CAST: variants seen among roughly 807,000 people sequenced by gnomAD.
CAST encodes the protein calpastatin, also known as MIR583 host.
A neutral mutation model predicts 119.6 loss-of-function variants in CAST; 76 were observed. The ratio of observed to expected loss-of-function variants is 0.64; its 90% CI spans 0.53 to 0.77. The LOEUF (loss-of-function observed/expected upper bound fraction) is 0.77, where lower values mean the gene tolerates loss of function less well. Among genes scored for constraint, CAST ranks in the 30% least tolerant of loss-of-function variants. The probability of loss-of-function intolerance (pLI) is 0.00; values close to 1 mark genes in which losing one functional copy is unlikely to be tolerated. For synonymous variants in CAST, 319 were observed against 331.6 expected (o/e 0.96, Z 0.41); for missense variants, 953 against 946.5 (o/e 1.01, Z -0.09).
chr5:96,139,281 T>G, the CAST span, among the ~76,000 whole-genome samples: 1 of 151,938 alleles, frequency 6.6e-6, no homozygotes, highest in Non-Finnish European at 1.5e-5. Context: ...CTTTTATCAC[T>G]ACCTCTTGCA....
the CAST span, among the ~76,000 whole-genome samples, chr5:95,967,494 C>T: frequency 1.3e-5 from 2 of 152,028 alleles, no homozygotes. Flanking sequence ...CAAATCTCAT[C>T]CTGAATTGTA....
chr5:96,321,360 A>C, the CAST span, among the ~76,000 whole-genome samples: 1 of 152,200 alleles, frequency 6.6e-6, no homozygotes, highest in Admixed American at 6.5e-5. Flanking sequence ...AGGCAGTGAG[A>C]ATGGCTTCTG....
the CAST span, among the ~76,000 whole-genome samples, chr5:96,141,254 TTAAAA>T: frequency 3.3e-5 from 5 of 152,214 alleles, no homozygotes; most frequent in South Asian, 8.3e-4. Flanking sequence ...ATTTTTGATG[TTAAAA>T]TAAATCAGGA....
At chr5:96,395,650 G>C in the CAST span, among the ~76,000 whole-genome samples, 5 of 152,112 alleles carry the variant, frequency 3.3e-5, no homozygotes, top group African/African-American at 1.2e-4. Flanking sequence ...AGGGAGTAGG[G>C]GGCAAGGGGA....
the CAST span, among the ~76,000 whole-genome samples, chr5:96,312,770 A>G: frequency 1.3e-5 from 2 of 152,286 alleles, no homozygotes. Context: ...ACTTGCCTAC[A>G]TTGTGCTAAT....
the CAST span, among the ~76,000 whole-genome samples, chr5:96,161,544 A>G: frequency 6.6e-6 from 1 of 152,170 alleles, no homozygotes; most frequent in Non-Finnish European, 1.5e-5. Context: ...ACGTTATAGT[A>G]AATTTTAAAA....
chr5:95,962,921 A>C, the CAST span, among the ~76,000 whole-genome samples: 3 of 152,112 alleles, frequency 2.0e-5, no homozygotes, highest in African/African-American at 7.2e-5. Flanking sequence ...GGGCGTGCAA[A>C]GGCCTGGCAT....
chr5:96,389,553 A>C, the CAST span, among the ~76,000 whole-genome samples: 3 of 152,186 alleles, frequency 2.0e-5, no homozygotes, highest in Non-Finnish European at 4.4e-5. Context: ...CAAGGGGAGA[A>C]AGGTCAGATT....
At chr5:96,108,284 G>A in the CAST span, among the ~76,000 whole-genome samples, 2 of 152,198 alleles carry the variant, frequency 1.3e-5, no homozygotes, top group African/African-American at 4.8e-5. Flanking sequence ...CGTTCCTTTG[G>A]AGGAGGAGAG....
At chr5:96,614,006 T>A (rs532118890) in intron 1 of CAST, among the ~76,000 whole-genome samples, 1 of 152,198 alleles carries the variant, frequency 6.6e-6, no homozygotes, top group Non-Finnish European at 1.5e-5. Flanking sequence ...ATGAGTTAGA[T>A]GTTTTATGTC....
At chr5:96,044,482 G>T in the CAST span, among the ~76,000 whole-genome samples, 153 of 152,256 alleles carry the variant, frequency 1.0e-3, no homozygotes, top group Non-Finnish European at 4.3e-4. Flanking sequence ...AGTACTATGA[G>T]AAATAAATTT....
the CAST span, among the ~76,000 whole-genome samples, chr5:96,345,360 A>C: frequency 6.6e-6 from 1 of 152,120 alleles, no homozygotes; most frequent in Non-Finnish European, 1.5e-5. Context: ...TTACTGATAC[A>C]AATCTACCAG....
the CAST span, among the ~76,000 whole-genome samples, chr5:96,435,607 G>A: frequency 6.6e-6 from 1 of 152,182 alleles, no homozygotes; most frequent in Non-Finnish European, 1.5e-5. Context: ...TAAATTGGAA[G>A]AGCCAATTAT....
Position 96,772,704 on chromosome 5 carries a change from CAG to C in CAST, c.*90_*91del, listed in dbSNP as rs1374531964. On this transcript the variant is annotated 3_prime_UTR_variant, in exon 32 of 32. Transcript: ENST00000675179. ...TTTGAAGAACAAAAGGCTTTGGCAA[CAG>C]AAAACAATTGTTCTGGGTGATTTCT... The C allele has an allele frequency of 1.3e-5, 2 of 152,652 alleles. No individual in the cohort carries two copies. Among genetic ancestry groups the C allele is most frequent in the African/African-American group, 2.4e-5 (1 of 41,434 alleles). The allele number at this position is 152,652 out of a possible 1,614,324, so 9.5% of individuals were successfully genotyped here. A position where few individuals can be genotyped will look rare whatever the true frequency, so the allele number is the denominator to read the frequency against.
the CAST span, among the ~76,000 whole-genome samples, chr5:96,384,124 G>A: frequency 6.6e-6 from 1 of 151,948 alleles, no homozygotes; most frequent in Non-Finnish European, 1.5e-5. Context: ...GAGAAGAGGA[G>A]GTATCTCTTC....
the CAST span, among the ~76,000 whole-genome samples, chr5:96,432,667 G>A: frequency 6.6e-6 from 1 of 152,090 alleles, no homozygotes; most frequent in Non-Finnish European, 1.5e-5. Flanking sequence ...GCTTGGCTGC[G>A]CCCAGCCTAA....
At chr5:96,366,224 T>A in the CAST span, among the ~76,000 whole-genome samples, 5 of 152,234 alleles carry the variant, frequency 3.3e-5, no homozygotes, top group African/African-American at 4.8e-5. Flanking sequence ...CTTCCCTTTG[T>A]GGGTAATCTG....
the CAST span, among the ~76,000 whole-genome samples, chr5:96,458,101 A>G: frequency 5.3e-5 from 8 of 152,290 alleles, no homozygotes; most frequent in Middle Eastern, 3.4e-3. Context: ...AAATCTGTCC[A>G]GTCACCTATT....
chr5:96,011,604 C>T, the CAST span, among the ~76,000 whole-genome samples: 5 of 152,118 alleles, frequency 3.3e-5, no homozygotes, highest in Non-Finnish European at 5.9e-5. Flanking sequence ...CCACACAGTA[C>T]CACACTGTCT....
Sources: allele counts gnomAD v4.1 joint callset (sites outside exome capture counted in the v4.1 genomes callset), GRCh38; gene constraint gnomAD v4.1.1; transcripts MANE v1.5; gene names NCBI Gene and HGNC (gene_info 2026-07-23, HGNC 2026-07-21).